The following COL21A1 variants were observed in gnomAD, a reference collection of about 807,000 sequenced individuals.
COL21A1 encodes collagen alpha-1(XXI) chain.
COL21A1 carries 149 observed loss-of-function variants against 137.9 expected under a neutral mutation model. That is an observed-to-expected ratio of 1.08 (90% confidence interval 0.95 to 1.24). COL21A1 has a LOEUF of 1.24. Ranked by LOEUF, COL21A1 falls within the 50% of genes most tolerant of loss-of-function variation. The pLI is 0.00. For missense variants in COL21A1, 1,167 were observed against 1,158.4 expected, an observed-to-expected ratio of 1.01 and a Z score of -0.11; for synonymous variants, 456 against 391.5, an observed-to-expected ratio of 1.16 and a Z score of -1.95.
intron 20 of COL21A1, among the ~76,000 whole-genome samples, chr6:56,073,650 A>T (rs1183223185): frequency 6.6e-6 from 1 of 151,518 alleles, no homozygotes; most frequent in Non-Finnish European, 1.5e-5. Context: ...GTACCACAGG[A>T]TTATATATAG....
intron 1 of COL21A1, among the ~76,000 whole-genome samples, chr6:56,323,657 G>A (rs1764929989): frequency 6.6e-6 from 1 of 152,034 alleles, no homozygotes; most frequent in African/African-American, 2.4e-5. Context: ...CAAAGTGCTG[G>A]GATTACAGTG....
intron 1 of COL21A1, among the ~76,000 whole-genome samples, chr6:56,370,424 A>G (rs1766211081): frequency 6.6e-6 from 1 of 152,242 alleles, no homozygotes; most frequent in Non-Finnish European, 1.5e-5. Flanking sequence ...TTGACACACC[A>G]GCTAAATACA....
At chr6:56,328,013 C>T (rs112313099) in intron 1 of COL21A1, among the ~76,000 whole-genome samples, 200 of 152,098 alleles carry the variant, frequency 1.3e-3, no homozygotes, top group Non-Finnish European at 2.2e-3. Flanking sequence ...AGATTACAAA[C>T]GCATAAATAT....
intron 1 of COL21A1, among the ~76,000 whole-genome samples, chr6:56,238,695 A>T (rs1479941384): frequency 6.6e-6 from 1 of 152,074 alleles, no homozygotes; most frequent in Admixed American, 6.6e-5. Context: ...CTGCATTCTC[A>T]GTTCCCTCTC....
At position 56,159,334 on chromosome 6, in the gene COL21A1, A is replaced by ATTT. The variant is rs11412656; in HGVS notation, c.1372-2388_1372-2386dup. On this transcript the variant is annotated intron_variant, in intron 9 of 29. Coordinates refer to ENST00000244728, the MANE Select transcript of COL21A1 (RefSeq NM_030820.4). ...GAGACTGTAGCAAAGTCTGAATTAC[A>ATTT]TTTTTTTTTTTTTTTTGAGACGGAG... is the stretch of plus-strand genomic sequence containing the variant. 3.6e-4 allele frequency among the ~76,000 whole-genome samples: 50 copies of ATTT among 137,144 alleles called. 1 individual carries two copies. Among genetic ancestry groups the ATTT allele is most frequent in the African/African-American group, 1.2e-3 (43 of 36,486 alleles). The allele number at this position is 137,144 out of a possible 152,430, so 90.0% of individuals were successfully genotyped here.
At chr6:56,220,096 C>T (rs572973588) in intron 1 of COL21A1, among the ~76,000 whole-genome samples, 31 of 152,038 alleles carry the variant, frequency 2.0e-4, no homozygotes, top group African/African-American at 6.8e-4. Context: ...TGCATTTATG[C>T]CTAACATATT....
At chr6:56,204,312 A>G (rs1779610534) in intron 1 of COL21A1, among the ~76,000 whole-genome samples, 1 of 152,026 alleles carries the variant, frequency 6.6e-6, no homozygotes, top group Non-Finnish European at 1.5e-5. Context: ...CATTGCTGAG[A>G]CTTGAGTAGG....
chr6:56,342,008 A>G (rs957548675), intron 1 of COL21A1, among the ~76,000 whole-genome samples: 1 of 152,226 alleles, frequency 6.6e-6, no homozygotes. Flanking sequence ...AATAGTCACT[A>G]GATTTAAAAA....
chr6:56,193,206 A>G (rs1056948764), intron 1 of COL21A1, among the ~76,000 whole-genome samples: 1 of 152,174 alleles, frequency 6.6e-6, no homozygotes, highest in Non-Finnish European at 1.5e-5. Flanking sequence ...GAAATTCCCA[A>G]TGTAGGTGAC....
intron 9 of COL21A1, among the ~76,000 whole-genome samples, chr6:56,162,069 C>T (rs1166906542): frequency 6.6e-6 from 1 of 152,158 alleles, no homozygotes; most frequent in African/African-American, 2.4e-5. Flanking sequence ...CTAAAGTAAA[C>T]TTGTCTCATC....
At chr6:56,150,990 G>A (rs1159714774) in intron 10 of COL21A1, among the ~76,000 whole-genome samples, 2 of 152,192 alleles carry the variant, frequency 1.3e-5, no homozygotes, top group East Asian at 1.9e-4. Context: ...TTGGGAGGCC[G>A]AGGCGGGTGG....
At chr6:56,152,546 C>T (rs907414653) in intron 10 of COL21A1, among the ~76,000 whole-genome samples, 6 of 152,148 alleles carry the variant, frequency 3.9e-5, no homozygotes, top group Non-Finnish European at 8.8e-5. Flanking sequence ...CACCAAAACA[C>T]ATACATGTAC....
chr6:56,313,941 G>A (rs995468544), intron 1 of COL21A1, among the ~76,000 whole-genome samples: 1 of 152,134 alleles, frequency 6.6e-6, no homozygotes, highest in African/African-American at 2.4e-5. Flanking sequence ...TCTGTTTTCT[G>A]CTCTTTCTGC....
chr6:56,333,262 T>G (rs1196804343), intron 1 of COL21A1, among the ~76,000 whole-genome samples: 1 of 152,054 alleles, frequency 6.6e-6, no homozygotes, highest in Non-Finnish European at 1.5e-5. Context: ...TGTGTTCCTT[T>G]CAACCCTTCA....
chr6:56,212,947 A>G (rs1780263366), intron 1 of COL21A1, among the ~76,000 whole-genome samples: 1 of 152,214 alleles, frequency 6.6e-6, no homozygotes, highest in East Asian at 1.9e-4. Context: ...AGAATATTAG[A>G]CTGGATGTTG....
chr6:56,063,388 T>G (rs763010136), intron 24 of COL21A1, among the ~76,000 whole-genome samples: 2 of 152,096 alleles, frequency 1.3e-5, no homozygotes, highest in Admixed American at 6.6e-5. Context: ...CCTATGGGAA[T>G]AGCAGTTTAT....
chr6:56,196,086 A>T (rs1278975390), intron 1 of COL21A1, among the ~76,000 whole-genome samples: 3 of 152,232 alleles, frequency 2.0e-5, no homozygotes, highest in African/African-American at 4.8e-5. Context: ...AATAAACATG[A>T]TGTACCACAT....
At chr6:56,201,542 C>A (rs1000021275) in intron 1 of COL21A1, among the ~76,000 whole-genome samples, 2 of 152,054 alleles carry the variant, frequency 1.3e-5, no homozygotes, top group Non-Finnish European at 2.9e-5. Flanking sequence ...GTTTTCCCAG[C>A]GTCATTTATT....
chr6:56,058,087 C>T (rs1035028552), intron 29 of COL21A1, among the ~76,000 whole-genome samples: 4 of 121,548 alleles, frequency 3.3e-5, no homozygotes, highest in Non-Finnish European at 5.3e-5. Flanking sequence ...ACATAGTAAC[C>T]ATGCTACTGA....
Sources: allele counts gnomAD v4.1 joint callset (sites outside exome capture counted in the v4.1 genomes callset), GRCh38; gene constraint gnomAD v4.1.1; transcripts MANE v1.5; gene names NCBI Gene and HGNC (gene_info 2026-07-23, HGNC 2026-07-21).